The following CPM variants were observed in gnomAD, a reference collection of about 807,000 sequenced individuals.
CPM encodes carboxypeptidase M.
A neutral mutation model predicts 46.4 loss-of-function variants in CPM; 35 were observed. The ratio of observed to expected loss-of-function variants is 0.75; its 90% CI spans 0.58 to 1.00. The LOEUF (loss-of-function observed/expected upper bound fraction) is 1.00, where lower values mean the gene tolerates loss of function less well. Among genes scored for constraint, CPM ranks in the 50% least tolerant of loss-of-function variants. The pLI is 0.00. For synonymous variants in CPM, 195 were observed against 195.3 expected (o/e 1.00, Z 0.01); for missense variants, 422 against 530.4 (o/e 0.80, Z 2.01).
Position 68,869,450 on chromosome 12 carries a change from A to C in CPM, c.662T>G (p.Val221Gly). 1 of 1,613,366 alleles carries C rather than the reference A, an allele frequency of 6.2e-7. No homozygotes were observed. ...YSRSLTPDDD[V>G]FQYLAHTYAS... ...ATAGGTATGTGCAAGATATTGAAAA[A>C]CATCATCATCAGGCGTTAAGCTTCG... Residue 221 changes from valine to glycine, a missense_variant, in exon 6 of 9, where the codon GTT (valine) becomes GGT (glycine). Physicochemically the swap from Val to Gly is moderately radical, Grantham distance 109. Coordinates refer to ENST00000551568, the MANE Select transcript of CPM (RefSeq NM_198320.5).
chr12:68,877,331 CAT>C (rs1374224071), intron 3 of CPM, among the ~76,000 whole-genome samples: 1 of 152,146 alleles, frequency 6.6e-6, no homozygotes, highest in African/African-American at 2.4e-5. Context: ...CCTGGTATAT[CAT>C]GTATTCAATA....
Position 68,856,053 on chromosome 12 carries a change from T to C in CPM, c.*384A>G. ...TGGCCTTATGGTGAAGTCTTGTATGTAGAAGATCAATAAATGTTCATCTTC... is the reference window on the plus strand; with the variant it reads ...TGGCCTTATGGTGAAGTCTTGTATGCAGAAGATCAATAAATGTTCATCTTC... On this transcript the variant is annotated 3_prime_UTR_variant, in exon 9 of 9. Coordinates refer to ENST00000551568, the MANE Select transcript of CPM (RefSeq NM_198320.5). 1 of 209,392 alleles carries C rather than the reference T, an allele frequency of 4.8e-6. No homozygotes were observed. The highest frequency in any genetic ancestry group is 8.7e-5 in the South Asian group (1 of 11,538). 13.0% of individuals were successfully genotyped at this position (209,392 alleles called of 1,614,324 possible).
chr12:68,882,520 A>G (rs1886241375), intron 3 of CPM, among the ~76,000 whole-genome samples: 1 of 152,184 alleles, frequency 6.6e-6, no homozygotes, highest in African/African-American at 2.4e-5. Flanking sequence ...ATAGCGCTGC[A>G]ATGAACATAC....
At chr12:68,872,103 G>A (rs1041509839) in intron 3 of CPM, 147 bp from the exon 4 acceptor site, 2 of 832,008 alleles carry the variant, frequency 2.4e-6, no homozygotes, top group Non-Finnish European at 3.7e-6. Context: ...TCTCAAGCAT[G>A]CTTATGCTCT....
At chr12:68,848,698 C>A (rs117383222), downstream of CPM, 1,649 of 152,236 alleles carry the variant, frequency 0.011, 10 homozygotes, top group Non-Finnish European at 0.015. Flanking sequence ...AAGACCAAAT[C>A]TCTTCAAAGT....
chr12:68,913,738 A>G (rs1191553175), intron 2 of CPM: 2 of 425,854 alleles, frequency 4.7e-6, no homozygotes, highest in African/African-American at 2.0e-5. Context: ...CAGGCTACTC[A>G]CTGCTGGTAG....
At chr12:68,943,374 C>T (rs1377852844) in intron 1 of CPM, among the ~76,000 whole-genome samples, 3 of 152,086 alleles carry the variant, frequency 2.0e-5, no homozygotes, top group Non-Finnish European at 2.9e-5. Flanking sequence ...CTTTATAAGT[C>T]CCAAGCTGAA....
At chr12:68,932,868 C>G (rs541018917) in intron 1 of CPM, 28 bp from the exon 2 acceptor site, 63 of 1,609,816 alleles carry the variant, frequency 3.9e-5, no homozygotes, top group Non-Finnish European at 5.0e-5. Flanking sequence ...TAAGAAGAAC[C>G]TGAGAACACA....
intron 2 of CPM, among the ~76,000 whole-genome samples, chr12:68,901,983 CTACTT>C (rs574139022): frequency 2.7e-3 from 405 of 152,208 alleles, no homozygotes; most frequent in Middle Eastern, 0.01. Flanking sequence ...CTGAGGAGCT[CTACTT>C]TACTTAATAT....
upstream of CPM, among the ~76,000 whole-genome samples, chr12:68,935,243 A>ATTGTTTGT (rs67250545): frequency 6.1e-3 from 906 of 148,040 alleles, 3 homozygotes; most frequent in African/African-American, 0.015. Context: ...AAGTTGTTTT[A>ATTGTTTGT]TTGTTTGTTT....
At position 68,956,009 on chromosome 12, in the gene CPM, T is replaced by A. The variant is rs1418194451; in HGVS notation, c.-4+7160A>T. Among the ~76,000 whole-genome samples, 3 of 152,094 alleles carry A rather than the reference T, an allele frequency of 2.0e-5. No homozygotes were observed. In the East Asian group the frequency reaches 5.8e-4, roughly 29 times the overall value. On this transcript the variant is annotated intron_variant, in intron 1 of 8. Transcript: ENST00000546373. ...CTTTCCACCCAGGAGCCTGTCTGCC[T>A]CCTGCCACCATCAACCTGCCCTCCA...
chr12:68,863,120 G>A (rs947910088), intron 7 of CPM, among the ~76,000 whole-genome samples: 1 of 152,156 alleles, frequency 6.6e-6, no homozygotes, highest in Admixed American at 6.5e-5. Flanking sequence ...TGTCCCCACC[G>A]CATGGTCACA....
chr12:68,908,485 C>G (rs140080170), intron 2 of CPM, among the ~76,000 whole-genome samples: 1 of 151,800 alleles, frequency 6.6e-6, no homozygotes, highest in Middle Eastern at 3.4e-3. Flanking sequence ...AATGGACATC[C>G]ACTTTCTGAG....
intron 2 of CPM, among the ~76,000 whole-genome samples, chr12:68,929,246 G>A (rs184756956): frequency 9.2e-5 from 14 of 152,190 alleles, no homozygotes; most frequent in Admixed American, 7.9e-4. Context: ...CTACCTAATG[G>A]CAGGGAATGA....
intron 1 of CPM, among the ~76,000 whole-genome samples, chr12:68,950,130 GT>G (rs553060398): frequency 1.9e-3 from 291 of 152,268 alleles, no homozygotes; most frequent in Middle Eastern, 3.4e-3. Context: ...GGCAGGGCTG[GT>G]TCCTCAGAGG....
In CPM at chr12:68,870,194, ACTGGACCC is replaced by A. The variant is rs776043587; in HGVS notation, c.616+13_616+20del. 3.7e-5 allele frequency: 60 copies of A among 1,606,254 alleles called. 1 individual carries two copies. The East Asian group carries it at 1.3e-3, about 35-fold the overall frequency. ...CCCACTCTGGACTTAAGAAGCCAGA[ACTGGACCC>A]GCACCTGCTTACCTTGAACACCATT... On this transcript the variant is annotated intron_variant, in intron 5 of 8. Transcript: ENST00000551568.
At chr12:68,870,692 T>C (rs950565518) in intron 4 of CPM, among the ~76,000 whole-genome samples, 3 of 152,228 alleles carry the variant, frequency 2.0e-5, no homozygotes, top group Non-Finnish European at 2.9e-5. Flanking sequence ...TTTTGGGACC[T>C]TGAGATCCCA....
At chr12:68,958,473 A>T (rs1184451477) in intron 1 of CPM, among the ~76,000 whole-genome samples, 2 of 151,668 alleles carry the variant, frequency 1.3e-5, no homozygotes, top group African/African-American at 4.9e-5. Context: ...ACCACCTTAC[A>T]CTGTTACTCA....
chr12:68,904,697 A>G (rs374271928), intron 2 of CPM, among the ~76,000 whole-genome samples: 1 of 152,226 alleles, frequency 6.6e-6, no homozygotes, highest in South Asian at 2.1e-4. Context: ...TAACACACAG[A>G]GAGGTGGGCA....
Sources: allele counts gnomAD v4.1 joint callset (sites outside exome capture counted in the v4.1 genomes callset), GRCh38; gene constraint gnomAD v4.1.1; transcripts MANE v1.5; gene names NCBI Gene and HGNC (gene_info 2026-07-23, HGNC 2026-07-21).